Variants in EPHA4 observed in about 807,000 individuals in gnomAD.
EPHA4 encodes the protein EPH receptor A4, also known as ephrin type-A receptor 4.
Under a neutral mutation model 108.3 loss-of-function variants are expected in EPHA4, and 19 were observed. The observed-to-expected ratio is 0.18, with a 90% CI of 0.12 to 0.26. The LOEUF is 0.26. Ranked by LOEUF, EPHA4 falls within the 10% of genes least tolerant of loss-of-function variation. EPHA4 has a pLI of 1.00. For missense variants in EPHA4, 917 were observed against 1,254.0 expected (o/e 0.73, Z 4.06); for synonymous variants, 449 against 455.5 (o/e 0.99, Z 0.18).
Position 221,487,017 on chromosome 2 carries a change from A to G in EPHA4, c.980-4327T>C, listed in dbSNP as rs986333522. Among the ~76,000 whole-genome samples, 9 of 152,136 alleles carry G rather than the reference A, an allele frequency of 5.9e-5. No homozygotes were observed. In the South Asian group the frequency reaches 1.2e-3, roughly 21 times the overall value. The stretch of plus-strand genomic sequence containing the variant: ...TGTGAAGTAGTAACTCAGTGTAACT[A>G]GTTTGTTTCAATTGCCTCTTTTTTT... On this transcript the variant is annotated intron_variant, in intron 4 of 17. Coordinates refer to ENST00000281821, the MANE Select transcript of EPHA4 (RefSeq NM_004438.5).
chr2:221,430,861 G>A lies in EPHA4; in HGVS notation c.2497-710C>T, dbSNP rs10167529. Among the ~76,000 whole-genome samples the A allele has an allele frequency of 3.3e-3, 509 of 152,152 alleles. 5 individuals carry two copies. The highest frequency in any genetic ancestry group is 0.012 in the African/African-American group (498 of 41,522). ...CATTTACATTTTAAAGGAGACCCTC[G>A]CACATCTAAAGAAGGAAGTTATAAT... On this transcript the variant is annotated intron_variant, in intron 14 of 17. Coordinates refer to ENST00000281821, the MANE Select transcript of EPHA4 (RefSeq NM_004438.5).
At chr2:221,455,395 G>A in intron 8 of EPHA4, 152 bp downstream of exon 8, 2 of 637,574 alleles carry the variant, frequency 3.1e-6, no homozygotes, top group Non-Finnish European at 5.6e-6. Context: ...TGGTAGGGGT[G>A]TGGGAAGATC....
intron 4 of EPHA4, among the ~76,000 whole-genome samples, chr2:221,489,275 G>A (rs1484072923): frequency 6.6e-6 from 1 of 152,210 alleles, no homozygotes; most frequent in Non-Finnish European, 1.5e-5. Context: ...GCAGAAATGG[G>A]TTCTGCCAAA....
intron 3 of EPHA4, among the ~76,000 whole-genome samples, chr2:221,506,704 G>T (rs1008350702): frequency 6.6e-5 from 10 of 152,180 alleles, no homozygotes; most frequent in African/African-American, 2.4e-4. Flanking sequence ...GTTGAGCATA[G>T]TTAAAAATTA....
chr2:221,567,311 C>T (rs978063004), intron 2 of EPHA4, among the ~76,000 whole-genome samples: 13 of 152,120 alleles, frequency 8.5e-5, no homozygotes, highest in African/African-American at 3.1e-4. Context: ...GTACATGTAG[C>T]CTGGGAAAGC....
At chr2:221,456,059 C>G (rs1316330530) in intron 7 of EPHA4, among the ~76,000 whole-genome samples, 2 of 151,946 alleles carry the variant, frequency 1.3e-5, no homozygotes, top group Non-Finnish European at 2.9e-5. Context: ...ATGGAGGTAT[C>G]TGACACTAAT....
At chr2:221,481,224 C>T (rs527551203) in intron 5 of EPHA4, among the ~76,000 whole-genome samples, 27 of 152,238 alleles carry the variant, frequency 1.8e-4, no homozygotes, top group Middle Eastern at 6.8e-3. Context: ...GACAGTTCTG[C>T]GATTAACTCA....
At chr2:221,506,052 C>T (rs1030286227) in intron 3 of EPHA4, among the ~76,000 whole-genome samples, 1 of 152,098 alleles carries the variant, frequency 6.6e-6, no homozygotes, top group Admixed American at 6.5e-5. Flanking sequence ...AATCTGAACC[C>T]TTTATGCACG....
chr2:221,532,591 A>G (rs1376290406), intron 3 of EPHA4: 1 of 152,252 alleles, frequency 6.6e-6, no homozygotes, highest in East Asian at 1.9e-4. Context: ...TACTTAAGGA[A>G]CCAACATTTT....
At chr2:221,510,246 T>C (rs6710536) in intron 3 of EPHA4, among the ~76,000 whole-genome samples, 2,700 of 152,336 alleles carry the variant, frequency 0.018, 73 homozygotes, top group African/African-American at 0.061. Flanking sequence ...AAACCCAAGA[T>C]TGAAGTCTAA....
chr2:221,514,094 GA>G (rs200199575), intron 3 of EPHA4, among the ~76,000 whole-genome samples: 9,000 of 30,842 alleles, frequency 0.29, 575 homozygotes, highest in East Asian at 0.52. Flanking sequence ...AAGCCGGGGG[GA>G]GGGGGTTTGA....
At chr2:221,510,839 A>G (rs1393024926) in intron 3 of EPHA4, among the ~76,000 whole-genome samples, 1 of 152,240 alleles carries the variant, frequency 6.6e-6, no homozygotes, top group Non-Finnish European at 1.5e-5. Flanking sequence ...AAGCTTAAAC[A>G]GTAAAAGTTC....
At chr2:221,520,513 C>A (rs1693130427) in intron 3 of EPHA4, among the ~76,000 whole-genome samples, 3 of 73,124 alleles carry the variant, frequency 4.1e-5, no homozygotes, top group African/African-American at 1.2e-4. Context: ...TAACCACACA[C>A]ACACACACAC....
chr2:221,481,416 C>A (rs982654704), intron 5 of EPHA4, among the ~76,000 whole-genome samples: 1 of 136,628 alleles, frequency 7.3e-6, no homozygotes, highest in Non-Finnish European at 1.5e-5. Flanking sequence ...CTTTGGGAGG[C>A]CAAGGTGGGC....
intron 5 of EPHA4, among the ~76,000 whole-genome samples, chr2:221,479,476 G>T (rs3770146): frequency 6.6e-6 from 1 of 152,120 alleles, no homozygotes; most frequent in African/African-American, 2.4e-5. Context: ...AAATGCTAAC[G>T]TTCATTAATT....
chr2:221,551,377 A>C (rs1023771316), intron 3 of EPHA4, among the ~76,000 whole-genome samples: 3 of 152,158 alleles, frequency 2.0e-5, no homozygotes, highest in African/African-American at 7.2e-5. Flanking sequence ...CTCTTGTAGA[A>C]GTCAACAATC....
chr2:221,509,767 A>T (rs1469556488), intron 3 of EPHA4, among the ~76,000 whole-genome samples: 16 of 152,328 alleles, frequency 1.1e-4, no homozygotes, highest in African/African-American at 3.6e-4. Flanking sequence ...ATAAACTACA[A>T]ACAAATCAAA....
intron 4 of EPHA4, among the ~76,000 whole-genome samples, chr2:221,492,319 T>G (rs1309323530): frequency 5.3e-5 from 8 of 152,126 alleles, no homozygotes; most frequent in Non-Finnish European, 1.0e-4. Context: ...TTTATGACTA[T>G]AAAATGGGGA....
At chr2:221,543,585 A>G (rs1693899556) in intron 3 of EPHA4, among the ~76,000 whole-genome samples, 1 of 152,212 alleles carries the variant, frequency 6.6e-6, no homozygotes, top group Non-Finnish European at 1.5e-5. Flanking sequence ...AGCCATATTT[A>G]GTTACCTTAC....
Sources: gnomAD v4.1 joint callset for allele counts (sites outside exome capture counted in the v4.1 genomes callset) on GRCh38, gnomAD v4.1.1 for gene constraint, MANE v1.5 for transcripts, NCBI Gene and HGNC (gene_info 2026-07-23, HGNC 2026-07-21) for gene names.